ST3GAL3: variants seen among roughly 807,000 people sequenced by gnomAD.
ST3GAL3 encodes the protein CMP-N-acetylneuraminate-beta-1,4-galactoside alpha-2,3-sialyltransferase.
In ST3GAL3, 21 loss-of-function variants were observed where a neutral mutation model predicts 50.1. The ratio of observed to expected loss-of-function variants is 0.42; its 90% confidence interval spans 0.30 to 0.60. The LOEUF (loss-of-function observed/expected upper bound fraction) is 0.60. ST3GAL3 is among the 20% of genes least tolerant of loss of function. ST3GAL3 has a pLI of 0.19. For synonymous variants in ST3GAL3, 183 were observed against 190.0 expected (o/e 0.96, Z 0.30); for missense variants, 353 against 489.4 (o/e 0.72, Z 2.63).
At chr1:43,757,739 G>T (rs1424854581) in intron 2 of ST3GAL3, among the ~76,000 whole-genome samples, 1 of 152,074 alleles carries the variant, frequency 6.6e-6, no homozygotes, top group African/African-American at 2.4e-5. Flanking sequence ...GTTTGGTAAA[G>T]ATTTCTTAAA....
At chr1:43,858,037 C>T (rs1039639564) in intron 5 of ST3GAL3, 16 of 881,108 alleles carry the variant, frequency 1.8e-5, no homozygotes, top group South Asian at 4.3e-5. Flanking sequence ...TGAGAAGTGT[C>T]GGACTACAGT....
chr1:43,817,763 CTCT>C (rs1332982699), intron 4 of ST3GAL3, among the ~76,000 whole-genome samples: 5 of 17,444 alleles, frequency 2.9e-4, no homozygotes, highest in African/African-American at 8.6e-4. Context: ...CCTCTTCTTC[CTCT>C]TCTTCTTCTC....
chr1:43,785,722 G>T (rs1187969188), intron 2 of ST3GAL3, among the ~76,000 whole-genome samples: 1 of 152,146 alleles, frequency 6.6e-6, no homozygotes, highest in Non-Finnish European at 1.5e-5. Context: ...TTGTCTGCTT[G>T]TGTCTCCTAC....
chr1:43,868,622 C>T (rs1006125574), intron 5 of ST3GAL3, among the ~76,000 whole-genome samples: 3 of 152,132 alleles, frequency 2.0e-5, no homozygotes, highest in African/African-American at 2.4e-5. Context: ...ATCTTCCTGA[C>T]CCTTACCCCC....
intron 2 of ST3GAL3, among the ~76,000 whole-genome samples, chr1:43,784,135 C>CT (rs1222303637): frequency 6.6e-6 from 1 of 152,144 alleles, no homozygotes; most frequent in African/African-American, 2.4e-5. Context: ...ACAGCCTGTC[C>CT]TATAAGGTCA....
intron 5 of ST3GAL3, among the ~76,000 whole-genome samples, chr1:43,870,596 T>C (rs2072451509): frequency 7.9e-6 from 1 of 127,066 alleles, no homozygotes; most frequent in African/African-American, 3.1e-5. Flanking sequence ...CCTCAGGGGT[T>C]GGAACTGGAG....
chr1:43,899,218 A>G lies in ST3GAL3; in HGVS notation c.512A>G (p.Asn171Ser). The stretch of plus-strand genomic sequence containing the variant: ...GTGGGCAATGGAGGCGTTCTTGCCA[A>G]CAAGTCTCTGGGGTCACGAATTGAC... Reference protein sequence around the residue: ...IIVGNGGVLANKSLGSRIDDY... With the variant: ...IIVGNGGVLASKSLGSRIDDY... Residue 171 changes from asparagine to serine, a missense_variant, in exon 8 of 12, where the codon AAC becomes AGC. Asn to Ser is a conservative substitution (Grantham distance 46, BLOSUM62 1). Transcript: ENST00000347631. The surrounding 1 kb of genome is among the most constrained non-coding windows in gnomAD (Gnocchi z 5.4). 6.2e-7 allele frequency: 1 copy of G among 1,614,094 alleles called. No individual in the cohort carries two copies.
chr1:43,851,171 G>T, intron 5 of ST3GAL3: 3 of 1,379,298 alleles, frequency 2.2e-6, no homozygotes, highest in African/African-American at 1.4e-5. Flanking sequence ...GAAGAGGCGG[G>T]TGTTCTCCTC....
chr1:43,851,570 G>T, intron 5 of ST3GAL3: 1 of 1,500,418 alleles, frequency 6.7e-7, no homozygotes, highest in Non-Finnish European at 9.3e-7. Context: ...CCCAGCTGGC[G>T]AAATTCTCCG....
At chr1:43,884,080 C>G (rs900447993) in intron 5 of ST3GAL3, among the ~76,000 whole-genome samples, 15 of 152,202 alleles carry the variant, frequency 9.9e-5, no homozygotes, top group Non-Finnish European at 1.9e-4. Context: ...AAGGACCAAG[C>G]CTAATTTACT....
intron 2 of ST3GAL3, among the ~76,000 whole-genome samples, chr1:43,771,646 C>T (rs1378010788): frequency 5.3e-5 from 8 of 152,122 alleles, no homozygotes; most frequent in African/African-American, 1.4e-4. Flanking sequence ...CGTGAGCCAC[C>T]GCGCCCGGCT....
chr1:43,880,321 C>T (rs2074892330), intron 5 of ST3GAL3, among the ~76,000 whole-genome samples: 1 of 152,168 alleles, frequency 6.6e-6, no homozygotes, highest in South Asian at 2.1e-4. Context: ...CCCAAATCTT[C>T]CCAAGGAAAA....
intron 11 of ST3GAL3, 183 bp from the exon 12 acceptor site, chr1:43,929,949 G>A: frequency 1.3e-6 from 1 of 750,626 alleles, no homozygotes; most frequent in South Asian, 1.4e-5. Flanking sequence ...AGGAGGATGA[G>A]CTGTGGCACT....
intron 2 of ST3GAL3, among the ~76,000 whole-genome samples, chr1:43,782,566 C>T (rs1372588698): frequency 6.6e-6 from 1 of 150,786 alleles, no homozygotes; most frequent in Non-Finnish European, 1.5e-5. Context: ...TTCACTGTTT[C>T]TCCCTCTCTA....
chr1:43,837,512 A>G (rs137961525), intron 4 of ST3GAL3, among the ~76,000 whole-genome samples: 94 of 152,322 alleles, frequency 6.2e-4, no homozygotes, highest in African/African-American at 2.1e-3. Context: ...ATAAAAGCAG[A>G]TGAGGCTGGC....
intron 9 of ST3GAL3, among the ~76,000 whole-genome samples, chr1:43,906,724 C>A (rs191888991): frequency 5.5e-4 from 83 of 152,192 alleles, no homozygotes; most frequent in African/African-American, 2.0e-3. Flanking sequence ...TCTCCTCTTC[C>A]TTCTGTCATC....
At chr1:43,855,585 G>A (rs1178733287) in intron 5 of ST3GAL3, among the ~76,000 whole-genome samples, 1 of 151,102 alleles carries the variant, frequency 6.6e-6, no homozygotes, top group Non-Finnish European at 1.5e-5. Flanking sequence ...ATTCCAGCCT[G>A]AGCGACAGAG....
chr1:43,849,523 G>A (rs970948310), intron 5 of ST3GAL3, among the ~76,000 whole-genome samples: 5 of 152,232 alleles, frequency 3.3e-5, no homozygotes, highest in East Asian at 1.9e-4. Context: ...AAATTTGATT[G>A]TGCTTATTAA....
At chr1:43,917,140 A>G (rs2081946618) in intron 9 of ST3GAL3, 1 of 152,004 alleles carries the variant, frequency 6.6e-6, no homozygotes, top group East Asian at 1.9e-4. Flanking sequence ...ATTTACTCCT[A>G]TAGCAGTCCA....
Sources: allele counts gnomAD v4.1 joint callset (sites outside exome capture counted in the v4.1 genomes callset), GRCh38; gene constraint gnomAD v4.1.1; non-coding constraint Gnocchi (gnomAD v3.1); transcripts MANE v1.5; gene names NCBI Gene and HGNC (gene_info 2026-07-23, HGNC 2026-07-21).